The following MYO10 variants were observed in gnomAD, a reference collection of about 807,000 sequenced individuals.
MYO10 encodes myosin X.
MYO10 carries 133 observed loss-of-function variants against 257.3 expected under a neutral mutation model. That is an observed-to-expected ratio of 0.52 (90% CI 0.45 to 0.60). MYO10 has a LOEUF of 0.60. Among genes scored for constraint, MYO10 ranks in the 20% least tolerant of loss-of-function variants. The probability of loss-of-function intolerance (pLI) is 0.00; values close to 1 mark genes in which losing one functional copy is unlikely to be tolerated. For missense variants in MYO10, 2,399 were observed against 2,635.7 expected, an observed-to-expected ratio of 0.91 and a Z score of 1.97; for synonymous variants, 1,104 against 1,028.6, an observed-to-expected ratio of 1.07 and a Z score of -1.40.
chr5:16,891,986 A>G (rs1268412548), intron 1 of MYO10, among the ~76,000 whole-genome samples: 3 of 152,212 alleles, frequency 2.0e-5, no homozygotes, highest in Admixed American at 1.3e-4. Context: ...TGCTTTGACT[A>G]GTATTTACAT....
chr5:16,731,420 T>C (rs2126616194), intron 19 of MYO10, among the ~76,000 whole-genome samples: 1 of 151,872 alleles, frequency 6.6e-6, no homozygotes, highest in Admixed American at 6.6e-5. Context: ...CTCGGCTCAC[T>C]GCAACCTCTG....
At chr5:16,796,889 C>G (rs930167694) in intron 3 of MYO10, among the ~76,000 whole-genome samples, 2 of 152,126 alleles carry the variant, frequency 1.3e-5, no homozygotes, top group African/African-American at 4.8e-5. Flanking sequence ...AGGGTGGGCC[C>G]TAATCCAATC....
chr5:16,801,258 C>T (rs1304348827), intron 3 of MYO10, among the ~76,000 whole-genome samples: 7 of 152,244 alleles, frequency 4.6e-5, no homozygotes, highest in East Asian at 1.9e-4. Context: ...CCCAGGCTGC[C>T]GTGCAGTGGT....
At chr5:16,926,892 A>C (rs1746147851) in intron 1 of MYO10, among the ~76,000 whole-genome samples, 1 of 152,226 alleles carries the variant, frequency 6.6e-6, no homozygotes, top group Non-Finnish European at 1.5e-5. Context: ...ATTACTCATG[A>C]AACATCAACA....
chr5:16,710,007 C>G (rs1005039930), intron 21 of MYO10, among the ~76,000 whole-genome samples: 3 of 152,220 alleles, frequency 2.0e-5, no homozygotes, highest in African/African-American at 7.2e-5. Context: ...CTCTCTTCCC[C>G]CGCTTTCTCC....
At chr5:16,874,470 C>T (rs1446637899) in intron 2 of MYO10, among the ~76,000 whole-genome samples, 1 of 150,496 alleles carries the variant, frequency 6.6e-6, no homozygotes, top group Admixed American at 6.8e-5. Context: ...GAATGCTTTG[C>T]TGCTTAGAAA....
intron 19 of MYO10, among the ~76,000 whole-genome samples, chr5:16,746,491 G>A (rs1016274753): frequency 3.3e-5 from 5 of 152,114 alleles, no homozygotes; most frequent in Admixed American, 2.6e-4. Flanking sequence ...ACCATGCTGC[G>A]ACCAGTGCCT....
chr5:16,763,877 G>C, intron 12 of MYO10, 122 bp from the exon 13 acceptor site: 1 of 705,030 alleles, frequency 1.4e-6, no homozygotes, highest in Non-Finnish European at 2.4e-6. Context: ...TGGCACAGTG[G>C]CTCACACCTG....
chr5:16,902,380 A>C, intron 1 of MYO10: 1 of 1,259,684 alleles, frequency 7.9e-7, no homozygotes, highest in South Asian at 1.2e-5. Flanking sequence ...GCTTCACGAG[A>C]TCGATTCCTG....
intron 1 of MYO10, among the ~76,000 whole-genome samples, chr5:16,901,940 T>C (rs1054929597): frequency 1.3e-5 from 2 of 152,270 alleles, no homozygotes; most frequent in Non-Finnish European, 2.9e-5. Context: ...AGAAGCTGTT[T>C]GCTTTTTCAG....
intron 1 of MYO10, among the ~76,000 whole-genome samples, chr5:16,928,675 C>A (rs1385850750): frequency 6.6e-6 from 1 of 151,718 alleles, no homozygotes; most frequent in Non-Finnish European, 1.5e-5. Flanking sequence ...GAAACCCCAT[C>A]TCTACTAAAA....
At chr5:16,721,495 T>A (rs2126599789) in intron 19 of MYO10, among the ~76,000 whole-genome samples, 1 of 152,330 alleles carries the variant, frequency 6.6e-6, no homozygotes, top group African/African-American at 2.4e-5. Context: ...GGTTGCTACT[T>A]GCTAATTTTC....
chr5:16,727,174 ACTG>A (rs2126609337), intron 19 of MYO10, among the ~76,000 whole-genome samples: 1 of 152,338 alleles, frequency 6.6e-6, no homozygotes, highest in African/African-American at 2.4e-5. Context: ...TGTTGTTAAA[ACTG>A]CTTTCACAAA....
intron 2 of MYO10, among the ~76,000 whole-genome samples, chr5:16,822,520 A>T (rs1561003117): frequency 6.6e-6 from 1 of 152,122 alleles, no homozygotes; most frequent in Non-Finnish European, 1.5e-5. Context: ...TGGGGGTTAT[A>T]ATTACATCAG....
chr5:16,825,370 C>G (rs1742971972), intron 2 of MYO10, among the ~76,000 whole-genome samples: 1 of 152,206 alleles, frequency 6.6e-6, no homozygotes, highest in Non-Finnish European at 1.5e-5. Context: ...CACGCCCACC[C>G]TGGAACCTCT....
chr5:16,858,834 C>T (rs7704077), intron 2 of MYO10, among the ~76,000 whole-genome samples: 16,455 of 151,964 alleles, frequency 0.11, 1,580 homozygotes, highest in African/African-American at 0.26. Context: ...GGCATGTGCC[C>T]GTAATCCCAG....
At chr5:16,728,386 G>T (rs897007709) in intron 19 of MYO10, among the ~76,000 whole-genome samples, 1 of 152,164 alleles carries the variant, frequency 6.6e-6, no homozygotes, top group Non-Finnish European at 1.5e-5. Context: ...CCTTGGGGAT[G>T]AGGTACCTGG....
intron 2 of MYO10, among the ~76,000 whole-genome samples, chr5:16,821,400 A>G (rs1742804225): frequency 6.9e-6 from 1 of 144,992 alleles, no homozygotes; most frequent in Non-Finnish European, 1.5e-5. Flanking sequence ...TGTAAACTAG[A>G]GTTCCCCACC....
intron 1 of MYO10, among the ~76,000 whole-genome samples, chr5:16,917,617 G>A (rs1201612853): frequency 2.0e-5 from 3 of 151,848 alleles, no homozygotes; most frequent in Admixed American, 2.0e-4. Context: ...ACTTTGGGAG[G>A]CTGAGAGGGG....
Sources: gnomAD v4.1 joint callset for allele counts (sites outside exome capture counted in the v4.1 genomes callset) on GRCh38, gnomAD v4.1.1 for gene constraint, MANE v1.5 for transcripts, NCBI Gene and HGNC (gene_info 2026-07-23, HGNC 2026-07-21) for gene names.